Variants in FAM13B observed in about 807,000 individuals in gnomAD.
The protein encoded by FAM13B is protein FAM13B.
Under a neutral mutation model 117.3 loss-of-function variants are expected in FAM13B, and 60 were observed. The observed-to-expected ratio is 0.51, with a 90% confidence interval of 0.42 to 0.63. The LOEUF is 0.63. Among genes scored for constraint, FAM13B ranks in the 30% least tolerant of loss-of-function variants. The probability of loss-of-function intolerance (pLI) is 0.00; values close to 1 mark genes in which losing one functional copy is unlikely to be tolerated. For synonymous variants in FAM13B, 332 were observed against 356.1 expected (o/e 0.93, Z 0.76); for missense variants, 972 against 1,091.9 (o/e 0.89, Z 1.55).
At chr5:137,944,767 A>C (rs1444372715) in intron 20 of FAM13B, among the ~76,000 whole-genome samples, 6 of 147,418 alleles carry the variant, frequency 4.1e-5, no homozygotes, top group African/African-American at 1.2e-4. Context: ...CAAAAACAAA[A>C]AAAAAAAAAA....
At chr5:138,020,938 C>G in intron 2 of FAM13B, 93 bp downstream of exon 2, 1 of 822,920 alleles carries the variant, frequency 1.2e-6, no homozygotes, top group Non-Finnish European at 1.6e-6. Flanking sequence ...AACTATAAAA[C>G]CTCAAGTTAA....
intron 1 of FAM13B, among the ~76,000 whole-genome samples, chr5:138,022,441 A>AC (rs1245842858): frequency 2.0e-5 from 3 of 152,328 alleles, no homozygotes; most frequent in Non-Finnish European, 4.4e-5. Context: ...GAGTAATATT[A>AC]ATCAGTGTGG....
intron 8 of FAM13B, 98 bp from the exon 9 acceptor site, chr5:137,987,714 T>C (rs1310210696): frequency 5.1e-6 from 6 of 1,171,070 alleles, no homozygotes; most frequent in African/African-American, 4.6e-5. Flanking sequence ...AAAACTATTA[T>C]GGTACTTAAA....
chr5:137,945,110 A>G (rs962415119), intron 20 of FAM13B, among the ~76,000 whole-genome samples: 2 of 150,016 alleles, frequency 1.3e-5, no homozygotes, highest in East Asian at 1.9e-4. Context: ...AAAAGTTAGG[A>G]AAAAAAAAAG....
chr5:138,019,679 TA>T (rs753862721), intron 2 of FAM13B, among the ~76,000 whole-genome samples: 14 of 76,970 alleles, frequency 1.8e-4, no homozygotes, highest in Non-Finnish European at 3.2e-4. Flanking sequence ...GCAGCTGTAA[TA>T]AATTTTTTTT....
chr5:137,942,991 C>T lies in FAM13B; in HGVS notation c.2472G>A (p.Met824Ile). The T allele has an allele frequency of 6.2e-7, 1 of 1,613,442 alleles. No homozygotes were observed. Among genetic ancestry groups the T allele is most frequent in the East Asian group, 2.2e-5 (1 of 44,864 alleles). The stretch of plus-strand genomic sequence containing the variant: ...ACTGTACCTGTACTGCAGTTTTCAA[C>T]ATATCACCTAACTCAGAGGACAGAT... ...GVNLSSELGD[M>I]LKTAVQVQSS... Residue 824 changes from methionine (M) to isoleucine (I), a missense_variant, in exon 22 of 24, where the codon ATG (methionine) becomes ATA (isoleucine). Transcript: ENST00000689681.
At chr5:137,967,694 A>C (rs1327043791) in intron 10 of FAM13B, among the ~76,000 whole-genome samples, 2 of 152,016 alleles carry the variant, frequency 1.3e-5, no homozygotes, top group African/African-American at 2.4e-5. Flanking sequence ...GGAGTTCAAG[A>C]CCAGCCCAGG....
intron 10 of FAM13B, among the ~76,000 whole-genome samples, chr5:137,964,834 G>C (rs1043174973): frequency 6.6e-6 from 1 of 151,916 alleles, no homozygotes; most frequent in Non-Finnish European, 1.5e-5. Context: ...CTACCTCAGA[G>C]TTACCACAGA....
In FAM13B at chr5:138,032,380, C is replaced by T. The variant is rs187530253; in HGVS notation, c.-203+402G>A. 2.0e-5 allele frequency among the ~76,000 whole-genome samples: 3 copies of T among 152,182 alleles called. No individual in the cohort carries two copies. The East Asian group carries it at 5.8e-4, about 29-fold the overall frequency. On this transcript the variant is annotated intron_variant, in intron 1 of 23. Transcript: ENST00000689681. ...AGAATAAAACACACTCCTTTTTCTT[C>T]TACATCAACTTCACTGCCCAGCATG...
chr5:138,024,079 T>G (rs1787523823), intron 1 of FAM13B, among the ~76,000 whole-genome samples: 1 of 152,112 alleles, frequency 6.6e-6, no homozygotes, highest in African/African-American at 2.4e-5. Context: ...TTCCTACCCC[T>G]TTTCAGAGCT....
At chr5:138,015,649 G>C (rs781219897) in intron 4 of FAM13B, among the ~76,000 whole-genome samples, 12 of 152,284 alleles carry the variant, frequency 7.9e-5, no homozygotes, top group Non-Finnish European at 1.6e-4. Flanking sequence ...GTTGCAGTGG[G>C]CCAAGATGGT....
intron 2 of FAM13B, 103 bp from the exon 3 acceptor site, chr5:138,019,249 C>G: frequency 1.0e-6 from 1 of 1,000,460 alleles, no homozygotes; most frequent in South Asian, 1.7e-5. Context: ...GTGTTCTCAT[C>G]TATTTAAATG....
chr5:137,965,645 T>C (rs1344620862), intron 10 of FAM13B, among the ~76,000 whole-genome samples: 1 of 152,196 alleles, frequency 6.6e-6, no homozygotes, highest in Non-Finnish European at 1.5e-5. Flanking sequence ...AATTGCATAT[T>C]GATATACTTC....
intron 10 of FAM13B, among the ~76,000 whole-genome samples, chr5:137,965,500 C>T (rs181018260): frequency 1.1e-3 from 164 of 152,290 alleles, no homozygotes; most frequent in Admixed American, 3.5e-3. Flanking sequence ...AATTGGTGCA[C>T]CCACCTTGCT....
intron 10 of FAM13B, among the ~76,000 whole-genome samples, chr5:137,968,412 G>C (rs1022541817): frequency 2.0e-5 from 3 of 146,662 alleles, no homozygotes; most frequent in Admixed American, 6.9e-5. Context: ...CTGCACTCTA[G>C]CCTGGGCAAG....
At position 137,953,316 on chromosome 5, in the gene FAM13B, G is replaced by A; in HGVS notation, c.1848+20C>T. On this transcript the variant is annotated intron_variant, in intron 16 of 23. Coordinates refer to ENST00000689681, the MANE Select transcript of FAM13B (RefSeq NM_001385994.1). ...TCTAATATTAGATTAAGCTCACTCT[G>A]GGGAATGCTACAAACCTACCTTGCT... 1 of 1,612,502 alleles carries A rather than the reference G, an allele frequency of 6.2e-7. No individual in the cohort carries two copies. Among genetic ancestry groups the A allele is most frequent in the Admixed American group, 1.7e-5 (1 of 59,902 alleles).
At chr5:138,009,217 G>A (rs1274950595) in intron 6 of FAM13B, among the ~76,000 whole-genome samples, 1 of 152,182 alleles carries the variant, frequency 6.6e-6, no homozygotes, top group Non-Finnish European at 1.5e-5. Context: ...AGCAGATTCT[G>A]TATAATTCGT....
At chr5:137,998,378 T>C (rs1348971490) in intron 7 of FAM13B, among the ~76,000 whole-genome samples, 1 of 152,248 alleles carries the variant, frequency 6.6e-6, no homozygotes, top group African/African-American at 2.4e-5. Context: ...ATTAATTTCA[T>C]CTTACTCCTT....
chr5:138,000,376 G>A (rs946463891), intron 7 of FAM13B, among the ~76,000 whole-genome samples: 2 of 152,142 alleles, frequency 1.3e-5, no homozygotes, highest in African/African-American at 2.4e-5. Context: ...TCCAGCCTGG[G>A]TGACACAGCA....
Sources: gnomAD v4.1 joint callset for allele counts (sites outside exome capture counted in the v4.1 genomes callset) on GRCh38, gnomAD v4.1.1 for gene constraint, MANE v1.5 for transcripts, NCBI Gene and HGNC (gene_info 2026-07-23, HGNC 2026-07-21) for gene names.